Variants in SYNPR observed in about 807,000 individuals in gnomAD.
SYNPR encodes synaptoporin.
SYNPR carries 23 observed loss-of-function variants against 32.9 expected under a neutral mutation model. The observed-to-expected ratio is 0.70, with a 90% CI of 0.50 to 0.99. The LOEUF (loss-of-function observed/expected upper bound fraction) is 0.99. Ranked by LOEUF, SYNPR falls within the 50% of genes least tolerant of loss-of-function variation. The pLI is 0.00. For synonymous variants in SYNPR, 146 were observed against 135.9 expected, an observed-to-expected ratio of 1.07 and a Z score of -0.52; for missense variants, 318 against 349.3, an observed-to-expected ratio of 0.91 and a Z score of 0.71.
chr3:63,527,728 T>C (rs1702040047), intron 3 of SYNPR, among the ~76,000 whole-genome samples: 1 of 152,200 alleles, frequency 6.6e-6, no homozygotes, highest in Non-Finnish European at 1.5e-5. Flanking sequence ...CCCTGCTGTT[T>C]AAGCCCAGCA....
chr3:63,616,112 T>C lies in SYNPR; in HGVS notation c.*631T>C, dbSNP rs938605024. The C allele has an allele frequency of 6.6e-6, 1 of 152,262 alleles. No individual in the cohort carries two copies. The allele number at this position is 152,262 out of a possible 1,614,324, so 9.4% of individuals were successfully genotyped here. On this transcript the variant is annotated 3_prime_UTR_variant, in exon 6 of 6. Transcript: ENST00000478300. ...TCAAATGGATATTTATAGGAATATATTCACTACTTTGTATACTTTGCAAAT... is the reference window on the plus strand; with the variant it reads ...TCAAATGGATATTTATAGGAATATACTCACTACTTTGTATACTTTGCAAAT...
intron 2 of SYNPR, among the ~76,000 whole-genome samples, chr3:63,429,843 C>T (rs999851350): frequency 3.3e-5 from 5 of 152,210 alleles, no homozygotes; most frequent in Admixed American, 1.3e-4. Context: ...TCCCATGGGG[C>T]TCTAAGTGTG....
At chr3:63,563,285 T>C (rs1465032806) in intron 4 of SYNPR, among the ~76,000 whole-genome samples, 2 of 152,198 alleles carry the variant, frequency 1.3e-5, no homozygotes, top group African/African-American at 2.4e-5. Context: ...CTCCATTAGA[T>C]GACTGGGAGG....
At chr3:63,337,466 CA>C (rs1235263099) in intron 2 of SYNPR, among the ~76,000 whole-genome samples, 1 of 152,040 alleles carries the variant, frequency 6.6e-6, no homozygotes, top group Non-Finnish European at 1.5e-5. Context: ...CAGTTTCATA[CA>C]AAGTGCAACC....
the SYNPR span, among the ~76,000 whole-genome samples, chr3:63,219,778 C>T: frequency 1.3e-5 from 2 of 152,140 alleles, no homozygotes; most frequent in East Asian, 3.9e-4. Flanking sequence ...ATTGTCTTCA[C>T]GTTGAGTAGA....
intron 2 of SYNPR, among the ~76,000 whole-genome samples, chr3:63,392,892 A>T (rs1229866957): frequency 1.3e-5 from 2 of 152,172 alleles, no homozygotes; most frequent in Non-Finnish European, 2.9e-5. Flanking sequence ...TCATGCCCTG[A>T]TTCCCACCTG....
chr3:63,362,096 C>A (rs1328274014), intron 2 of SYNPR, among the ~76,000 whole-genome samples: 1 of 152,142 alleles, frequency 6.6e-6, no homozygotes, highest in Non-Finnish European at 1.5e-5. Flanking sequence ...CATTTAAGGG[C>A]TGGTGCATTA....
chr3:63,388,016 A>C (rs1204165529), intron 2 of SYNPR, among the ~76,000 whole-genome samples: 1 of 152,170 alleles, frequency 6.6e-6, no homozygotes, highest in Non-Finnish European at 1.5e-5. Flanking sequence ...GCATAGTCAC[A>C]GGAAAGATAG....
At chr3:63,550,968 C>T (rs9834436) in intron 3 of SYNPR, among the ~76,000 whole-genome samples, 3,025 of 152,268 alleles carry the variant, frequency 0.02, 96 homozygotes, top group African/African-American at 0.068. Flanking sequence ...CCATGTGTTA[C>T]GCCCTTTGCC....
rs547098148 is a variant in SYNPR at position 63,269,227 on chromosome 3, G to A, written n.287+1778G>A. On this transcript the variant is annotated intron_variant and non_coding_transcript_variant, in intron 3 of 4. Transcript: ENST00000478456. ...GACCAGGCCAAGTGCAGTGGCTCAC[G>A]CCTGTAATTTCAGCACTTTGGGAGG... 5.2e-4 allele frequency among the ~76,000 whole-genome samples: 79 copies of A among 152,304 alleles called. 1 individual carries two copies. The highest frequency in any genetic ancestry group is 5.0e-3 in the Admixed American group (76 of 15,296).
chr3:63,613,146 C>A (rs1486424335), intron 5 of SYNPR, among the ~76,000 whole-genome samples: 1 of 132,038 alleles, frequency 7.6e-6, no homozygotes, highest in Non-Finnish European at 1.6e-5. Context: ...CTGCCATGCT[C>A]AGCTAATTTT....
At chr3:63,264,131 C>T (rs909257393) in intron 2 of SYNPR, among the ~76,000 whole-genome samples, 65 of 152,250 alleles carry the variant, frequency 4.3e-4, no homozygotes, top group African/African-American at 1.5e-3. Flanking sequence ...TCTATGTCTT[C>T]TTGTGATTAG....
chr3:63,419,097 C>A (rs1488661185), intron 2 of SYNPR, among the ~76,000 whole-genome samples: 1 of 152,184 alleles, frequency 6.6e-6, no homozygotes, highest in East Asian at 1.9e-4. Flanking sequence ...ACTTGTCAAA[C>A]AAACTCTTAT....
At chr3:63,482,544 C>T (rs1234448220) in intron 3 of SYNPR, among the ~76,000 whole-genome samples, 1 of 152,108 alleles carries the variant, frequency 6.6e-6, no homozygotes, top group Non-Finnish European at 1.5e-5. Flanking sequence ...TGTAAGATCT[C>T]CTGGGAACCC....
chr3:63,582,139 T>C (rs975039351), intron 4 of SYNPR, among the ~76,000 whole-genome samples: 1 of 152,098 alleles, frequency 6.6e-6, no homozygotes, highest in African/African-American at 2.4e-5. Flanking sequence ...AAACACTTTC[T>C]ATTTGGCTTC....
At chr3:63,292,671 A>C (rs796817342) in intron 2 of SYNPR, among the ~76,000 whole-genome samples, 54 of 152,364 alleles carry the variant, frequency 3.5e-4, no homozygotes, top group African/African-American at 1.3e-3. Context: ...CATTTAAAAC[A>C]AGGTATTTTC....
At chr3:63,225,114 C>T (rs1314663930), upstream of SYNPR, among the ~76,000 whole-genome samples, 2 of 152,176 alleles carry the variant, frequency 1.3e-5, no homozygotes, top group Non-Finnish European at 2.9e-5. Flanking sequence ...GACCTCTGAG[C>T]CCACAAAACC....
chr3:63,324,700 C>A (rs1042596329), intron 2 of SYNPR, among the ~76,000 whole-genome samples: 3 of 151,990 alleles, frequency 2.0e-5, no homozygotes, highest in African/African-American at 7.2e-5. Flanking sequence ...TCTGGATCTC[C>A]TACTAGAAAG....
At chr3:63,582,457 A>G (rs1308717413) in intron 4 of SYNPR, among the ~76,000 whole-genome samples, 1 of 152,142 alleles carries the variant, frequency 6.6e-6, no homozygotes, top group Non-Finnish European at 1.5e-5. Flanking sequence ...ACCAGATTCT[A>G]ATAATATGCA....
Sources: gnomAD v4.1 joint callset for allele counts (sites outside exome capture counted in the v4.1 genomes callset) on GRCh38, gnomAD v4.1.1 for gene constraint, MANE v1.5 for transcripts, NCBI Gene and HGNC (gene_info 2026-07-23, HGNC 2026-07-21) for gene names.